Variants in AGBL1 observed in about 807,000 individuals in gnomAD.
AGBL1 encodes cytosolic carboxypeptidase 4.
Under a neutral mutation model 118.9 loss-of-function variants are expected in AGBL1, and 130 were observed. The observed-to-expected ratio is 1.09, with a 90% CI of 0.95 to 1.26. The LOEUF (loss-of-function observed/expected upper bound fraction) is 1.26. AGBL1 is among the 50% of genes most tolerant of loss of function. The pLI, the probability that AGBL1 is intolerant of heterozygous loss-of-function variation, is 0.00. For missense variants in AGBL1, 1,584 were observed against 1,298.1 expected (o/e 1.22, Z -3.38); for synonymous variants, 555 against 478.9 (o/e 1.16, Z -2.08).
chr15:86,481,201 T>G (rs943089171), intron 18 of AGBL1, among the ~76,000 whole-genome samples: 1 of 152,076 alleles, frequency 6.6e-6, no homozygotes, highest in African/African-American at 2.4e-5. Flanking sequence ...TCTTGAGGGT[T>G]TCTTGGCAAT....
intron 22 of AGBL1, among the ~76,000 whole-genome samples, chr15:86,861,238 A>G (rs147392477): frequency 8.5e-5 from 13 of 152,244 alleles, no homozygotes; most frequent in African/African-American, 2.4e-4. Context: ...AGGCAATAAC[A>G]TACTGTCTGG....
intron 22 of AGBL1, among the ~76,000 whole-genome samples, chr15:86,853,306 C>T (rs575714579): frequency 1.3e-5 from 2 of 152,282 alleles, no homozygotes; most frequent in African/African-American, 2.4e-5. Context: ...AATGCTCATA[C>T]AAGATCCACA....
chr15:86,557,963 C>G (rs1596263093), intron 21 of AGBL1, among the ~76,000 whole-genome samples: 1 of 152,040 alleles, frequency 6.6e-6, no homozygotes. Context: ...AGAGTCGTTG[C>G]AATGGGTAGA....
chr15:86,156,282 T>C (rs910143488), intron 4 of AGBL1, among the ~76,000 whole-genome samples: 1 of 152,210 alleles, frequency 6.6e-6, no homozygotes, highest in African/African-American at 2.4e-5. Context: ...TGGTTTCTAC[T>C]GGCCCCTCTC....
In AGBL1 at chr15:86,230,220, C is replaced by G. The variant is rs1174293016; in HGVS notation, c.526+5269C>G. ...TGAGAGCCGGATCAGGAACAGACAG[C>G]CTCATAGTCTCAGGAGTCGTCTGCT... is the stretch of plus-strand genomic sequence containing the variant. On this transcript the variant is annotated intron_variant, in intron 6 of 22. Coordinates refer to ENST00000614907, the MANE Select transcript of AGBL1 (RefSeq NM_001386094.1). Among the ~76,000 whole-genome samples the G allele has an allele frequency of 2.0e-5, 3 of 152,122 alleles. No individual in the cohort carries two copies. The East Asian group carries it at 5.8e-4, about 29-fold the overall frequency.
intron 18 of AGBL1, among the ~76,000 whole-genome samples, chr15:86,468,021 C>T (rs1308293007): frequency 6.6e-6 from 1 of 151,962 alleles, no homozygotes; most frequent in Non-Finnish European, 1.5e-5. Context: ...ATGTTTCTGC[C>T]CATTAGACTG....
At chr15:86,879,585 A>C (rs2079861740) in intron 22 of AGBL1, among the ~76,000 whole-genome samples, 1 of 152,216 alleles carries the variant, frequency 6.6e-6, no homozygotes, top group Admixed American at 6.5e-5. Flanking sequence ...TCAATTACAA[A>C]TGTTACAGAT....
chr15:86,750,282 T>C (rs535078319), intron 22 of AGBL1, among the ~76,000 whole-genome samples: 2 of 152,198 alleles, frequency 1.3e-5, no homozygotes, highest in Non-Finnish European at 2.9e-5. Context: ...GATTTAAAAA[T>C]TAACACATAG....
intron 19 of AGBL1, among the ~76,000 whole-genome samples, chr15:86,528,203 C>T (rs896004362): frequency 3.9e-5 from 6 of 152,154 alleles, no homozygotes; most frequent in Non-Finnish European, 8.8e-5. Flanking sequence ...GTACCGGGTT[C>T]ATCTCACTAG....
chr15:86,423,720 CA>C (rs1264740629), intron 18 of AGBL1, among the ~76,000 whole-genome samples: 1 of 152,136 alleles, frequency 6.6e-6, no homozygotes, highest in Admixed American at 6.5e-5. Flanking sequence ...GTGAAAATCA[CA>C]AACATTCCTA....
intron 22 of AGBL1, among the ~76,000 whole-genome samples, chr15:86,754,147 G>A (rs1302339614): frequency 6.6e-6 from 1 of 152,058 alleles, no homozygotes; most frequent in Non-Finnish European, 1.5e-5. Context: ...TTATGTTTGT[G>A]CAGATTTAAA....
chr15:86,180,189 G>C (rs1359806973), intron 5 of AGBL1, among the ~76,000 whole-genome samples: 1 of 151,970 alleles, frequency 6.6e-6, no homozygotes, highest in Non-Finnish European at 1.5e-5. Flanking sequence ...TGTGGAAACT[G>C]ATACATTGAT....
At chr15:87,011,109 A>T (rs566140999) in intron 24 of AGBL1, among the ~76,000 whole-genome samples, 90 of 152,354 alleles carry the variant, frequency 5.9e-4, no homozygotes, top group Middle Eastern at 3.4e-3. Context: ...AGTGAATGAA[A>T]GTGATTTGTC....
Position 86,430,144 on chromosome 15 carries a change from A to G in AGBL1, c.2555+32598A>G, listed in dbSNP as rs184905148. On this transcript the variant is annotated intron_variant, in intron 18 of 22. Coordinates refer to ENST00000614907, the MANE Select transcript of AGBL1 (RefSeq NM_001386094.1). ...TTTCAGTGCATATGTTTTAGTTGTGATATTTAACATTTTCTTAATAGGATT... is the reference window on the plus strand; with the variant it reads ...TTTCAGTGCATATGTTTTAGTTGTGGTATTTAACATTTTCTTAATAGGATT... Among the ~76,000 whole-genome samples the G allele has an allele frequency of 1.4e-4, 21 of 152,260 alleles. No individual in the cohort carries two copies. In the East Asian group the frequency reaches 3.7e-3, roughly 27 times the overall value.
At chr15:86,414,040 G>A (rs1009778665) in intron 18 of AGBL1, among the ~76,000 whole-genome samples, 11 of 152,100 alleles carry the variant, frequency 7.2e-5, no homozygotes, top group African/African-American at 2.7e-4. Flanking sequence ...AATGGAACTG[G>A]AGGCCATTAT....
chr15:86,291,049 C>T (rs2079537458), intron 16 of AGBL1, among the ~76,000 whole-genome samples: 1 of 152,130 alleles, frequency 6.6e-6, no homozygotes, highest in Admixed American at 6.6e-5. Flanking sequence ...CATAGTATTC[C>T]ATGGTGTATA....
chr15:86,223,109 G>T (rs62013791), intron 5 of AGBL1, among the ~76,000 whole-genome samples: 1 of 152,008 alleles, frequency 6.6e-6, no homozygotes, highest in Admixed American at 6.6e-5. Context: ...CACTTTTTGG[G>T]TTTAAGACCT....
chr15:86,819,534 C>T (rs2078910506), intron 22 of AGBL1, among the ~76,000 whole-genome samples: 1 of 151,900 alleles, frequency 6.6e-6, no homozygotes, highest in South Asian at 2.1e-4. Flanking sequence ...AGTGAACTCC[C>T]ATTCACAGTT....
intron 18 of AGBL1, among the ~76,000 whole-genome samples, chr15:86,502,806 T>C (rs2082932810): frequency 6.6e-6 from 1 of 151,448 alleles, no homozygotes; most frequent in Non-Finnish European, 1.5e-5. Context: ...TTTTATAAGT[T>C]GTTAGATTTG....
Sources: allele counts gnomAD v4.1 joint callset (sites outside exome capture counted in the v4.1 genomes callset), GRCh38; gene constraint gnomAD v4.1.1; transcripts MANE v1.5; gene names NCBI Gene and HGNC (gene_info 2026-07-23, HGNC 2026-07-21).